The following FRY variants were observed in gnomAD, a reference collection of about 807,000 sequenced individuals.
FRY encodes the protein protein furry homolog.
FRY carries 128 observed loss-of-function variants against 348.4 expected under a neutral mutation model. The ratio of observed to expected loss-of-function variants is 0.37; its 90% CI spans 0.32 to 0.43. The LOEUF is 0.43. Among genes scored for constraint, FRY ranks in the 20% least tolerant of loss-of-function variants. FRY has a pLI of 1.00. For synonymous variants in FRY, 1,370 were observed against 1,374.7 expected (o/e 1.00, Z 0.08); for missense variants, 2,736 against 3,695.2 (o/e 0.74, Z 6.73).
intron 52 of FRY, 128 bp from the exon 53 acceptor site, chr13:32,262,186 A>T: frequency 1.3e-6 from 1 of 746,620 alleles, no homozygotes; most frequent in Non-Finnish European, 2.4e-6. Flanking sequence ...GCTATGTTTA[A>T]GGCCCAATAA....
intron 51 of FRY, among the ~76,000 whole-genome samples, chr13:32,259,076 A>G: frequency 6.6e-6 from 1 of 152,324 alleles, no homozygotes; most frequent in East Asian, 1.9e-4. Context: ...ACTGACATAT[A>G]CAGAGTGTTC....
intron 3 of FRY, among the ~76,000 whole-genome samples, chr13:32,104,024 C>A (rs574968500): frequency 6.6e-6 from 1 of 152,130 alleles, no homozygotes; most frequent in African/African-American, 2.4e-5. Context: ...ATTTTATATT[C>A]TTTGTCTCTT....
chr13:32,211,383 C>T (rs1428799669), intron 34 of FRY, among the ~76,000 whole-genome samples: 2 of 152,186 alleles, frequency 1.3e-5, no homozygotes, highest in Non-Finnish European at 2.9e-5. Flanking sequence ...CACTTGAACC[C>T]ACGAGGCAGA....
At chr13:32,223,057 G>A (rs1217771406) in intron 36 of FRY, among the ~76,000 whole-genome samples, 1 of 152,054 alleles carries the variant, frequency 6.6e-6, no homozygotes, top group African/African-American at 2.4e-5. Context: ...GGGTTCAAAC[G>A]ATTATCCTGC....
chr13:32,229,460 A>G (rs77241512), intron 40 of FRY, among the ~76,000 whole-genome samples: 8,027 of 152,260 alleles, frequency 0.053, 623 homozygotes, highest in East Asian at 0.27. Flanking sequence ...TCTTTCCACA[A>G]TTCATGATTC....
At chr13:32,194,009 C>T in intron 28 of FRY, 134 bp from the exon 29 acceptor site, 1 of 849,238 alleles carries the variant, frequency 1.2e-6, no homozygotes. Context: ...GAATATATGA[C>T]ATAAAAACCA....
chr13:32,061,809 CTAACA>C (rs10588418), intron 1 of FRY, among the ~76,000 whole-genome samples: 2,303 of 152,210 alleles, frequency 0.015, 60 homozygotes, highest in African/African-American at 0.053. Flanking sequence ...TACATTAGTT[CTAACA>C]TAACATTTTA....
chr13:32,264,450 A>C (rs1276248008), intron 53 of FRY, among the ~76,000 whole-genome samples: 2 of 152,094 alleles, frequency 1.3e-5, no homozygotes, highest in Non-Finnish European at 2.9e-5. Flanking sequence ...ACTTGAGATA[A>C]AGCTCTAATT....
intron 41 of FRY, among the ~76,000 whole-genome samples, chr13:32,232,505 C>T (rs1404146516): frequency 2.0e-5 from 3 of 152,218 alleles, no homozygotes; most frequent in Non-Finnish European, 4.4e-5. Flanking sequence ...TTCCTGGGTC[C>T]TGTAACAGTT....
At chr13:32,070,558 G>GTT (rs56360034) in intron 1 of FRY, among the ~76,000 whole-genome samples, 8 of 144,526 alleles carry the variant, frequency 5.5e-5, no homozygotes, top group Non-Finnish European at 7.6e-5. Flanking sequence ...TTTTTGATGG[G>GTT]TTTTTTTTTT....
chr13:32,226,064 T>C, intron 39 of FRY, 90 bp downstream of exon 39: 1 of 1,077,114 alleles, frequency 9.3e-7, no homozygotes, highest in Non-Finnish European at 1.4e-6. Context: ...AGTTAACTTC[T>C]CTCATGCTAT....
intron 18 of FRY, among the ~76,000 whole-genome samples, chr13:32,172,260 T>C: frequency 6.6e-6 from 1 of 151,968 alleles, no homozygotes. Flanking sequence ...GATGTAGATG[T>C]GGATATTGAT....
chr13:32,266,723 C>T lies in FRY; in HGVS notation c.7947-447C>T, dbSNP rs368212582. On this transcript the variant is annotated intron_variant, in intron 54 of 60. Coordinates refer to ENST00000542859, the MANE Select transcript of FRY (RefSeq NM_023037.3). ...CTCTTGCCAGGTGCGGTGGCACACA[C>T]CTGTAATCCTGCCACTTTGGGAGGC... Among the ~76,000 whole-genome samples, 12 of 152,330 alleles carry T rather than the reference C, an allele frequency of 7.9e-5. No individual in the cohort carries two copies. In the South Asian group the frequency reaches 1.0e-3, roughly 13 times the overall value.
intron 58 of FRY, among the ~76,000 whole-genome samples, chr13:32,283,246 G>C (rs1888900684): frequency 6.6e-6 from 1 of 151,856 alleles, no homozygotes; most frequent in Non-Finnish European, 1.5e-5. Context: ...AGCAACACTG[G>C]GCCTGCCTTC....
intron 46 of FRY, among the ~76,000 whole-genome samples, chr13:32,243,368 A>G (rs191399130): frequency 6.4e-4 from 97 of 152,302 alleles, no homozygotes; most frequent in East Asian, 7.7e-4. Flanking sequence ...GTTTTTTGCC[A>G]TTATAAATAA....
intron 17 of FRY, among the ~76,000 whole-genome samples, chr13:32,162,821 T>C (rs1881527476): frequency 6.6e-6 from 1 of 152,158 alleles, no homozygotes; most frequent in African/African-American, 2.4e-5. Flanking sequence ...GGTGTAACTT[T>C]TGAGACCTAG....
intron 49 of FRY, among the ~76,000 whole-genome samples, chr13:32,251,610 C>G (rs1887086710): frequency 6.8e-6 from 1 of 147,960 alleles, no homozygotes; most frequent in Admixed American, 6.6e-5. Flanking sequence ...TAATAGTTAC[C>G]CTTAAAAAAA....
intron 15 of FRY, among the ~76,000 whole-genome samples, chr13:32,157,000 A>G (rs1368822014): frequency 6.6e-6 from 1 of 152,168 alleles, no homozygotes; most frequent in Non-Finnish European, 1.5e-5. Context: ...TGAATTTTGT[A>G]TTTTCTTATT....
chr13:32,272,561 G>C (rs928446859), intron 55 of FRY, among the ~76,000 whole-genome samples: 2 of 152,176 alleles, frequency 1.3e-5, no homozygotes, highest in African/African-American at 4.8e-5. Context: ...GAGAGGCTGA[G>C]GTGGGCAGAT....
Sources: gnomAD v4.1 joint callset for allele counts (sites outside exome capture counted in the v4.1 genomes callset) on GRCh38, gnomAD v4.1.1 for gene constraint, MANE v1.5 for transcripts, NCBI Gene and HGNC (gene_info 2026-07-23, HGNC 2026-07-21) for gene names.